The following EDC3 variants were observed in gnomAD, a reference collection of about 807,000 sequenced individuals.
The protein encoded by EDC3 is enhancer of mRNA-decapping protein 3.
In EDC3, 20 loss-of-function variants were observed where a neutral mutation model predicts 41.8. The observed-to-expected ratio is 0.48, with a 90% CI of 0.34 to 0.70. The LOEUF is 0.70. Among genes scored for constraint, EDC3 ranks in the 30% least tolerant of loss-of-function variants. The pLI, the probability that EDC3 is intolerant of heterozygous loss-of-function variation, is 0.01. For synonymous variants in EDC3, 206 were observed against 243.2 expected (o/e 0.85, Z 1.42); for missense variants, 444 against 636.8 (o/e 0.70, Z 3.26).
intron 3 of EDC3, among the ~76,000 whole-genome samples, chr15:74,663,755 TGAG>T (rs1189872944): frequency 2.0e-5 from 3 of 147,680 alleles, no homozygotes; most frequent in Non-Finnish European, 4.5e-5. Context: ...TGCCACATGA[TGAG>T]GAGCTATTGA....
At chr15:74,656,548 A>G (rs946974053) in intron 3 of EDC3, among the ~76,000 whole-genome samples, 2 of 152,234 alleles carry the variant, frequency 1.3e-5, no homozygotes, top group Non-Finnish European at 1.5e-5. Flanking sequence ...GGTAATGACA[A>G]AAGTTTTTCT....
At position 74,649,018 on chromosome 15, in the gene EDC3, G is replaced by A. The variant is rs564848214; in HGVS notation, c.820+6715C>T. On this transcript the variant is annotated intron_variant, in intron 4 of 6. Coordinates refer to ENST00000315127, the MANE Select transcript of EDC3 (RefSeq NM_025083.5). ...AGCAATCCCCCAACCTGTGCCTCCC[G>A]AGTAGCTGGGACCACAGGCACATAC... is the stretch of plus-strand genomic sequence containing the variant. Among the ~76,000 whole-genome samples the A allele has an allele frequency of 2.1e-3, 322 of 151,174 alleles. 1 individual carries two copies. The highest frequency in any genetic ancestry group is 7.5e-3 in the African/African-American group (309 of 41,132).
chr15:74,681,188 T>C (rs2141668852), intron 1 of EDC3, among the ~76,000 whole-genome samples: 1 of 152,224 alleles, frequency 6.6e-6, no homozygotes, highest in East Asian at 1.9e-4. Flanking sequence ...GAGACTCACT[T>C]TGTCGCCCAG....
At chr15:74,679,512 G>A (rs1274412664) in intron 1 of EDC3, among the ~76,000 whole-genome samples, 1 of 152,048 alleles carries the variant, frequency 6.6e-6, no homozygotes, top group Non-Finnish European at 1.5e-5. Context: ...AGTAAATACA[G>A]AAATATTATC....
At chr15:74,677,408 G>A (rs1025859029) in intron 1 of EDC3, among the ~76,000 whole-genome samples, 6 of 129,948 alleles carry the variant, frequency 4.6e-5, no homozygotes, top group Admixed American at 9.5e-5. Flanking sequence ...TATCTTTATC[G>A]CCCAGGCTAG....
At chr15:74,662,223 C>T (rs2062628223) in intron 3 of EDC3, among the ~76,000 whole-genome samples, 1 of 152,092 alleles carries the variant, frequency 6.6e-6, no homozygotes, top group African/African-American at 2.4e-5. Flanking sequence ...CAACAGTGTG[C>T]GTTACCACTG....
At chr15:74,633,057 G>C (rs909732339) in intron 6 of EDC3, 111 bp from the exon 7 acceptor site, 1 of 1,125,178 alleles carries the variant, frequency 8.9e-7, no homozygotes, top group South Asian at 1.5e-5. Flanking sequence ...GACACCACTC[G>C]AATGCCTCTC....
rs547137117 is a variant in EDC3, at chr15:74,633,121, G to A, written c.1193-175C>T. ...AGGGCACAGGCCCTAGGAGTTGCAA[G>A]CTGGCTGGGCTGAGTGCTAGAGACC... On this transcript the variant is annotated intron_variant, in intron 6 of 6. Coordinates refer to ENST00000315127, the MANE Select transcript of EDC3 (RefSeq NM_025083.5). 5.9e-5 allele frequency among the ~76,000 whole-genome samples: 9 copies of A among 152,362 alleles called. No homozygotes were observed. The East Asian group carries it at 1.5e-3, about 26-fold the overall frequency.
rs2062197820 is a variant in EDC3, at chr15:74,630,989, GC to G, written c.*1622del. ...AACCTAGACTGCTCCTCAGATTTTG[GC>G]CAAGAGAGGGCCCCGGCTTGGGAGC... On this transcript the variant is annotated 3_prime_UTR_variant, in exon 7 of 7. Transcript: ENST00000315127. 6.6e-6 allele frequency: 1 copy of G among 152,208 alleles called. No individual in the cohort carries two copies. Among genetic ancestry groups the G allele is most frequent in the African/African-American group, 2.4e-5 (1 of 41,434 alleles). The allele number at this position is 152,208 out of a possible 1,614,324, so 9.4% of individuals were successfully genotyped here. A position where few individuals can be genotyped will look rare whatever the true frequency, so the allele number is the denominator to read the frequency against.
chr15:74,656,005 T>C lies in EDC3; in HGVS notation c.548A>G (p.Gln183Arg), dbSNP rs1485338917. 2 of 1,613,814 alleles carry C rather than the reference T, an allele frequency of 1.2e-6. No individual in the cohort carries two copies. Among genetic ancestry groups the C allele is most frequent in the African/African-American group, 1.3e-5 (1 of 74,820 alleles). ...TPKKSGLKNG[Q>R]MKNKDDECFG... is the part of the protein sequence containing the mutation. ...GCACTCGTCATCTTTATTCTTCATC[T>C]GGCCATTCTTTAAACCACTTTTCTT... is the stretch of plus-strand genomic sequence containing the variant. The change falls in exon 4 of 7, where the codon CAG becomes CGG. Residue 183 changes from glutamine (Q) to arginine (R), a missense_variant. Around this residue, in one of 3 missense-constraint regions of EDC3, gnomAD observed 200 missense variants for 244.0 expected, o/e 0.82. Coordinates refer to ENST00000315127, the MANE Select transcript of EDC3 (RefSeq NM_025083.5).
chr15:74,641,058 C>T, intron 4 of EDC3: 1 of 209,118 alleles, frequency 4.8e-6, no homozygotes, highest in South Asian at 7.5e-5. Flanking sequence ...AGAAGTGGAA[C>T]AGACACTAGC....
chr15:74,633,530 TAATTAAG>T (rs923954092), intron 6 of EDC3, among the ~76,000 whole-genome samples: 43 of 152,336 alleles, frequency 2.8e-4, no homozygotes, highest in African/African-American at 1.0e-3. Flanking sequence ...AGCCCAACCT[TAATTAAG>T]AATTAAGAGG....
chr15:74,659,771 G>T lies in EDC3; in HGVS notation c.485-3703C>A, dbSNP rs138680618. ...AAAAAATAAAATAAAAGAGGGCTGG[G>T]AGCGGTGGCTCATGCCTGTAATCCC... On this transcript the variant is annotated intron_variant, in intron 3 of 6. Coordinates refer to ENST00000315127, the MANE Select transcript of EDC3 (RefSeq NM_025083.5). Among the ~76,000 whole-genome samples, 8 of 152,128 alleles carry T rather than the reference G, an allele frequency of 5.3e-5. No individual in the cohort carries two copies. The East Asian group carries it at 1.6e-3, about 30-fold the overall frequency.
At chr15:74,672,960 A>G (rs942066282) in intron 2 of EDC3, among the ~76,000 whole-genome samples, 2 of 152,148 alleles carry the variant, frequency 1.3e-5, no homozygotes, top group Non-Finnish European at 2.9e-5. Flanking sequence ...GGCAGGGGGA[A>G]TGAGTGGCTA....
chr15:74,667,568 C>T (rs12591325), intron 3 of EDC3, among the ~76,000 whole-genome samples: 5 of 145,950 alleles, frequency 3.4e-5, no homozygotes, highest in African/African-American at 1.3e-4. Context: ...GAGAAAGTAC[C>T]TAAGTACTAA....
chr15:74,635,701 T>G (rs2062264341), intron 5 of EDC3, 75 bp from the exon 6 acceptor site: 2 of 1,344,290 alleles, frequency 1.5e-6, no homozygotes, highest in Non-Finnish European at 2.1e-6. Flanking sequence ...GACAATTGCC[T>G]GTAGCACCTA....
At chr15:74,659,921 T>G (rs887723259) in intron 3 of EDC3, among the ~76,000 whole-genome samples, 1 of 151,730 alleles carries the variant, frequency 6.6e-6, no homozygotes, top group African/African-American at 2.4e-5. Context: ...GGCGCGCACA[T>G]GTAGTCCCAG....
At position 74,688,995 on chromosome 15, in the gene EDC3, T is replaced by C. The variant is rs78504683; in HGVS notation, c.-19+6885A>G. ...TTATTCTTTCTCATAGCTGTGCTGTTTTCTGTAAGCATGCCTCAATGTATT... is the reference window on the plus strand; with the variant it reads ...TTATTCTTTCTCATAGCTGTGCTGTCTTCTGTAAGCATGCCTCAATGTATT... On this transcript the variant is annotated intron_variant, in intron 1 of 6. Coordinates refer to ENST00000315127, the MANE Select transcript of EDC3 (RefSeq NM_025083.5). Among the ~76,000 whole-genome samples the C allele has an allele frequency of 3.1e-3, 476 of 152,296 alleles. 1 individual carries two copies. The highest frequency in any genetic ancestry group is 0.011 in the African/African-American group (449 of 41,560).
At chr15:74,676,477 TAAAGA>T (rs1555456845) in intron 1 of EDC3, among the ~76,000 whole-genome samples, 1 of 151,882 alleles carries the variant, frequency 6.6e-6, no homozygotes, top group Non-Finnish European at 1.5e-5. Flanking sequence ...AAACACCTAA[TAAAGA>T]AAAAAGATAA....
Sources: gnomAD v4.1 joint callset for allele counts (sites outside exome capture counted in the v4.1 genomes callset) on GRCh38, gnomAD v4.1.1 for gene constraint, gnomAD v4.1.1 regional missense constraint, MANE v1.5 for transcripts, NCBI Gene and HGNC (gene_info 2026-07-23, HGNC 2026-07-21) for gene names.